COL4A3: variants seen among roughly 807,000 people sequenced by gnomAD.
The protein encoded by COL4A3 is collagen type IV alpha 3 chain.
In COL4A3, 135 loss-of-function variants were observed where a neutral mutation model predicts 217.4. That is an observed-to-expected ratio of 0.62 (90% CI 0.54 to 0.72). The LOEUF (loss-of-function observed/expected upper bound fraction) is 0.72, where lower values mean the gene tolerates loss of function less well. Ranked by LOEUF, COL4A3 falls within the 30% of genes least tolerant of loss-of-function variation. The pLI, the probability that COL4A3 is intolerant of heterozygous loss-of-function variation, is 0.00. For missense variants in COL4A3, 1,868 were observed against 2,119.9 expected (o/e 0.88, Z 2.33); for synonymous variants, 690 against 736.3 (o/e 0.94, Z 1.02).
chr2:227,302,734 T>C (rs1252441658), intron 43 of COL4A3, among the ~76,000 whole-genome samples: 2 of 144,458 alleles, frequency 1.4e-5, no homozygotes, highest in Non-Finnish European at 3.0e-5. Context: ...GGCTACTCCA[T>C]TTAGGACACA....
Position 227,226,808 on chromosome 2 carries a change from G to GA in COL4A3, c.88-11154dup, listed in dbSNP as rs1160400564. Among the ~76,000 whole-genome samples the GA allele has an allele frequency of 7.2e-5, 11 of 152,010 alleles. No homozygotes were observed. In the South Asian group the frequency reaches 2.3e-3, roughly 32 times the overall value. On this transcript the variant is annotated intron_variant, in intron 1 of 51. Coordinates refer to ENST00000396578, the MANE Select transcript of COL4A3 (RefSeq NM_000091.5). ...TTAATGCAATTTTTATATTGCCATA[G>GA]AAAAAATATAATGAAGATAATTTGT...
intron 1 of COL4A3, among the ~76,000 whole-genome samples, chr2:227,193,117 G>A (rs1050958351): frequency 1.3e-5 from 2 of 152,044 alleles, no homozygotes; most frequent in Non-Finnish European, 2.9e-5. Context: ...TCACCTGATA[G>A]GACTAAGTGC....
Position 227,304,198 on chromosome 2 carries a change from A to G in COL4A3, c.4153+54A>G. The G allele has an allele frequency of 6.8e-6, 11 of 1,608,454 alleles. No individual in the cohort carries two copies. In the South Asian group the frequency reaches 1.2e-4, roughly 18 times the overall value. On this transcript the variant is annotated intron_variant, in intron 46 of 51. Coordinates refer to ENST00000396578, the MANE Select transcript of COL4A3 (RefSeq NM_000091.5). ...CACTAGGAAGTGGTTGAACCAAAAT[A>G]CCTGTAAACTGCTTTGGAAACAGCT...
intron 1 of COL4A3, among the ~76,000 whole-genome samples, chr2:227,202,061 T>C (rs1476831240): frequency 6.6e-6 from 1 of 152,212 alleles, no homozygotes; most frequent in Non-Finnish European, 1.5e-5. Context: ...TCACGATTGG[T>C]TAGCAACACA....
Position 227,290,764 on chromosome 2 carries a change from G to T in COL4A3, c.3088G>T (p.Gly1030Ter). The change falls in exon 37 of 52, where the codon GGA (glycine) becomes TGA (stop). Residue 1030 changes from glycine to a stop codon, truncating the protein, a stop_gained. Transcript: ENST00000396578. LOFTEE classifies it high-confidence loss of function. ...MGMPGSKGKRGTLGFPGRAGR... is the reference protein window; with the variant it reads ...MGMPGSKGKR ...AATTTCAGGTTCTAAAGGAAAAAGGGGAACTTTGGGATTCCCAGGTCGAGC... is the reference window on the plus strand; with the variant it reads ...AATTTCAGGTTCTAAAGGAAAAAGGTGAACTTTGGGATTCCCAGGTCGAGC... 1.9e-6 allele frequency: 3 copies of T among 1,613,292 alleles called. No homozygotes were observed. Among genetic ancestry groups the T allele is most frequent in the Non-Finnish European group, 2.5e-6 (3 of 1,179,932 alleles).
chr2:227,234,839 C>G (rs750389271), intron 1 of COL4A3, among the ~76,000 whole-genome samples: 2 of 152,188 alleles, frequency 1.3e-5, no homozygotes, highest in Non-Finnish European at 2.9e-5. Flanking sequence ...TGTCTCAAGG[C>G]CCCCACACCT....
rs1481254565 is a variant in COL4A3, at chr2:227,253,826, G to C, written c.765+188G>C. ...TCATAAATCCTGGAAATATTACATG[G>C]GGAAGATCTGAGGCTCCAGCTTGGG... On this transcript the variant is annotated intron_variant, in intron 13 of 51. Transcript: ENST00000396578. This position sits in a 1 kb window ranked among gnomAD's most constrained non-coding sequence, Gnocchi z 4.4. 6.6e-6 allele frequency among the ~76,000 whole-genome samples: 1 copy of C among 151,908 alleles called. No individual in the cohort carries two copies. Among genetic ancestry groups the C allele is most frequent in the Non-Finnish European group, 1.5e-5 (1 of 67,984 alleles).
At chr2:227,300,261 G>A (rs1266702086) in intron 43 of COL4A3, among the ~76,000 whole-genome samples, 1 of 152,142 alleles carries the variant, frequency 6.6e-6, no homozygotes, top group Non-Finnish European at 1.5e-5. Flanking sequence ...TTGGGCCATT[G>A]GGCTGACCTA....
Position 227,164,726 on chromosome 2 carries a change from C to G in COL4A3, c.-1C>G. 1 of 1,530,456 alleles carries G rather than the reference C, an allele frequency of 6.5e-7. No individual in the cohort carries two copies. Among genetic ancestry groups the G allele is most frequent in the Non-Finnish European group, 8.7e-7 (1 of 1,145,178 alleles). The allele number at this position is 1,530,456 out of a possible 1,614,324, so 94.8% of individuals were successfully genotyped here. A position where few individuals can be genotyped will look rare whatever the true frequency, so the allele number is the denominator to read the frequency against. ...GCCCAGGCTCTGAGCGCGCGCCCAC[C>G]ATGAGCGCCCGGACCGCCCCCAGGC... On this transcript the variant is annotated 5_prime_UTR_variant, in exon 1 of 52. Transcript: ENST00000396578. This position sits in a 1 kb window ranked among gnomAD's most constrained non-coding sequence, Gnocchi z 4.8.
Position 227,308,066 on chromosome 2 carries a change from CCTGT to C in COL4A3, c.4462+150_4462+153del, listed in dbSNP as rs1450855355. 7.3e-5 allele frequency: 57 copies of C among 777,018 alleles called. No individual in the cohort carries two copies. The East Asian group carries it at 1.4e-3, about 19-fold the overall frequency. The allele number at this position is 777,018 out of a possible 1,614,324, so 48.1% of individuals were successfully genotyped here. On this transcript the variant is annotated intron_variant, in intron 48 of 51. Coordinates refer to ENST00000396578, the MANE Select transcript of COL4A3 (RefSeq NM_000091.5). ...TTAAAGAGAGCAAATAAAACACTGG[CCTGT>C]CTAATTTTCATTCTGGAATGTAAAA...
At chr2:227,304,250 C>T (rs1162628537) in intron 46 of COL4A3, 106 bp downstream of exon 46, 14 of 1,448,108 alleles carry the variant, frequency 9.7e-6, no homozygotes, top group Non-Finnish European at 1.3e-5. Context: ...AAATGTTGAA[C>T]ATGATAGTGG....
intron 41 of COL4A3, among the ~76,000 whole-genome samples, chr2:227,297,086 A>G (rs2073059975): frequency 6.6e-6 from 1 of 152,236 alleles, no homozygotes; most frequent in East Asian, 1.9e-4. Context: ...ACCTCCTGCC[A>G]CTAGTATTCC....
chr2:227,269,500 C>T (rs956570383), intron 23 of COL4A3, among the ~76,000 whole-genome samples: 11 of 152,052 alleles, frequency 7.2e-5, no homozygotes, highest in African/African-American at 1.2e-4. Flanking sequence ...AGTGTGTCTA[C>T]GAGTCCTATG....
intron 1 of COL4A3, among the ~76,000 whole-genome samples, chr2:227,226,578 T>G (rs1272278008): frequency 6.6e-6 from 1 of 151,966 alleles, no homozygotes. Context: ...CAAGCAATTC[T>G]CCTGCCTCAG....
At chr2:227,256,280 G>T in intron 16 of COL4A3, 63 bp from the exon 17 acceptor site, 1 of 1,459,826 alleles carries the variant, frequency 6.9e-7, no homozygotes, top group Non-Finnish European at 9.6e-7. Flanking sequence ...AATTGCACCT[G>T]CTCCCCCAGA....
chr2:227,244,449 C>T (rs1430313263), intron 4 of COL4A3, 85 bp downstream of exon 4: 23 of 1,253,128 alleles, frequency 1.8e-5, no homozygotes, highest in Non-Finnish European at 2.6e-5. Flanking sequence ...AAGGAGTACA[C>T]TGTGTATGGT....
chr2:227,311,669 C>T (rs1263804302), intron 51 of COL4A3, 117 bp from the exon 52 acceptor site: 21 of 993,994 alleles, frequency 2.1e-5, no homozygotes, highest in East Asian at 2.8e-5. Flanking sequence ...TGAGCCACCA[C>T]GCCCGACCCT....
At position 227,313,988 on chromosome 2, in the gene COL4A3, G is replaced by C. The variant is rs1219891529; in HGVS notation, c.*2118G>C. 1 of 152,492 alleles carries C rather than the reference G, an allele frequency of 6.6e-6. No individual in the cohort carries two copies. The highest frequency in any genetic ancestry group is 2.4e-5 in the African/African-American group (1 of 41,446). 9.4% of individuals were successfully genotyped at this position (152,492 alleles called of 1,614,324 possible). ...CTATGTTTTACCAAGCCCACCACAT[G>C]ATTCTGATGTACTCTAAATACTGAG... On this transcript the variant is annotated 3_prime_UTR_variant, in exon 52 of 52. Coordinates refer to ENST00000396578, the MANE Select transcript of COL4A3 (RefSeq NM_000091.5).
chr2:227,241,914 C>A (rs191290619), intron 3 of COL4A3, among the ~76,000 whole-genome samples: 1 of 152,274 alleles, frequency 6.6e-6, no homozygotes, highest in Admixed American at 6.5e-5. Flanking sequence ...GGACACAGAG[C>A]ACTTGAGTAA....
Sources: gnomAD v4.1 joint callset for allele counts (sites outside exome capture counted in the v4.1 genomes callset) on GRCh38, gnomAD v4.1.1 for gene constraint, Gnocchi (gnomAD v3.1) non-coding constraint, MANE v1.5 for transcripts, NCBI Gene and HGNC (gene_info 2026-07-23, HGNC 2026-07-21) for gene names.